ARFGEF2: variants seen among roughly 807,000 people sequenced by gnomAD.
The protein encoded by ARFGEF2 is ARF guanine nucleotide exchange factor 2.
ARFGEF2 carries 74 observed loss-of-function variants against 219.9 expected under a neutral mutation model. The ratio of observed to expected loss-of-function variants is 0.34; its 90% CI spans 0.28 to 0.41. The LOEUF (loss-of-function observed/expected upper bound fraction) is 0.41. Ranked by LOEUF, ARFGEF2 falls within the 10% of genes least tolerant of loss-of-function variation. The pLI, the probability that ARFGEF2 is intolerant of heterozygous loss-of-function variation, is 1.00. For synonymous variants in ARFGEF2, 733 were observed against 799.2 expected (o/e 0.92, Z 1.40); for missense variants, 1,743 against 2,218.3 (o/e 0.79, Z 4.30).
At chr20:48,949,003 C>G (rs2091048592) in intron 3 of ARFGEF2, among the ~76,000 whole-genome samples, 1 of 152,124 alleles carries the variant, frequency 6.6e-6, no homozygotes, top group Non-Finnish European at 1.5e-5. Context: ...GTTTGTCTTA[C>G]TATTGTATCC....
intron 3 of ARFGEF2, 42 bp from the exon 4 acceptor site, chr20:48,951,281 A>G: frequency 6.2e-7 from 1 of 1,611,418 alleles, no homozygotes; most frequent in Non-Finnish European, 8.5e-7. Flanking sequence ...CCTCAGTCCT[A>G]GCCAAGCAGA....
At chr20:49,022,872 T>G (rs891325098) in intron 34 of ARFGEF2, among the ~76,000 whole-genome samples, 179 bp from the exon 35 acceptor site, 2 of 152,052 alleles carry the variant, frequency 1.3e-5, no homozygotes, top group Non-Finnish European at 2.9e-5. Flanking sequence ...CCCAGCACTT[T>G]GGGAGGCTGA....
intron 33 of ARFGEF2, 69 bp from the exon 34 acceptor site, chr20:49,018,815 C>T: frequency 7.7e-7 from 1 of 1,297,152 alleles, no homozygotes; most frequent in Non-Finnish European, 1.1e-6. Flanking sequence ...CGTGTTAAAA[C>T]AGGCACATCT....
At chr20:49,004,468 G>A (rs927687668) in intron 25 of ARFGEF2, among the ~76,000 whole-genome samples, 1 of 151,726 alleles carries the variant, frequency 6.6e-6, no homozygotes, top group African/African-American at 2.4e-5. Flanking sequence ...GAAAAATTGG[G>A]TATAGTTGCA....
chr20:48,982,484 T>G (rs775718811), intron 14 of ARFGEF2, among the ~76,000 whole-genome samples: 4 of 152,198 alleles, frequency 2.6e-5, no homozygotes, highest in Non-Finnish European at 5.9e-5. Flanking sequence ...GGAGGCAGGC[T>G]GTTCTCAGAG....
intron 1 of ARFGEF2, among the ~76,000 whole-genome samples, chr20:48,935,519 C>T (rs1217986461): frequency 6.6e-6 from 1 of 152,144 alleles, no homozygotes; most frequent in African/African-American, 2.4e-5. Context: ...GGCAACCATC[C>T]GATTTCTCAA....
chr20:48,945,713 A>T, intron 3 of ARFGEF2, among the ~76,000 whole-genome samples: 1 of 152,222 alleles, frequency 6.6e-6, no homozygotes, highest in East Asian at 1.9e-4. Context: ...AAAAATAAAA[A>T]GTTAGCTGGG....
chr20:48,988,008 G>C (rs933332612), intron 16 of ARFGEF2, among the ~76,000 whole-genome samples: 1 of 152,046 alleles, frequency 6.6e-6, no homozygotes, highest in African/African-American at 2.4e-5. Context: ...GGCTGGTCTC[G>C]AACTCCTGAC....
intron 9 of ARFGEF2, 94 bp downstream of exon 9, chr20:48,969,371 G>A: frequency 6.2e-7 from 1 of 1,608,038 alleles, no homozygotes; most frequent in East Asian, 2.2e-5. Context: ...AGAAGTTTCA[G>A]TGTCATGTCT....
At chr20:48,969,979 C>T (rs2091214746) in intron 9 of ARFGEF2, among the ~76,000 whole-genome samples, 1 of 152,136 alleles carries the variant, frequency 6.6e-6, no homozygotes, top group Non-Finnish European at 1.5e-5. Context: ...AATAATAATC[C>T]TCAATTCATC....
intron 37 of ARFGEF2, among the ~76,000 whole-genome samples, chr20:49,031,042 A>T (rs189242239): frequency 6.6e-6 from 1 of 152,072 alleles, no homozygotes; most frequent in African/African-American, 2.4e-5. Flanking sequence ...CATGTTTTTT[A>T]AAAAAGCAAT....
At chr20:48,959,561 C>T (rs1440206723) in intron 6 of ARFGEF2, among the ~76,000 whole-genome samples, 2 of 74,814 alleles carry the variant, frequency 2.7e-5, no homozygotes, top group African/African-American at 5.5e-5. Context: ...TTCCTTCCCT[C>T]CCTCCCTCCC....
At chr20:48,925,650 A>G (rs1207756104) in intron 1 of ARFGEF2, among the ~76,000 whole-genome samples, 1 of 152,162 alleles carries the variant, frequency 6.6e-6, no homozygotes, top group Admixed American at 6.5e-5. Flanking sequence ...AGCCTGTGCA[A>G]CATGGCAAAA....
intron 25 of ARFGEF2, among the ~76,000 whole-genome samples, chr20:49,004,279 G>A (rs1331364957): frequency 2.0e-5 from 3 of 151,870 alleles, no homozygotes; most frequent in African/African-American, 7.3e-5. Context: ...CAGGAGAATC[G>A]CTTAAACCCA....
intron 1 of ARFGEF2, among the ~76,000 whole-genome samples, chr20:48,924,381 G>A (rs2090862916): frequency 6.6e-6 from 1 of 152,002 alleles, no homozygotes; most frequent in African/African-American, 2.4e-5. Context: ...GCGCTGTGGC[G>A]GGCACCTGTA....
rs116996290 is a variant in ARFGEF2, at chr20:48,929,249, C to G, written c.121+7239C>G. Reference sequence around the variant, plus strand: ...AGTGCCTTGGGTGTAAACAAGCCTTCTGGCTTGATATTTTATTAGGTTTTA... The same window carrying G: ...AGTGCCTTGGGTGTAAACAAGCCTTGTGGCTTGATATTTTATTAGGTTTTA... On this transcript the variant is annotated intron_variant, in intron 1 of 38. Transcript: ENST00000371917. Among the ~76,000 whole-genome samples, 474 of 152,350 alleles carry G rather than the reference C, an allele frequency of 3.1e-3. 13 individuals are homozygous for G. The East Asian group carries it at 0.034, about 11-fold the overall frequency.
intron 26 of ARFGEF2, among the ~76,000 whole-genome samples, chr20:49,009,943 G>C (rs1036502034): frequency 5.3e-5 from 8 of 152,304 alleles, no homozygotes; most frequent in South Asian, 4.1e-4. Flanking sequence ...CCATGGCCTG[G>C]ATAGGGACCA....
rs756248801 is a variant in ARFGEF2 at position 48,969,221 on chromosome 20, C to G, written c.1134C>G (p.Phe378Leu). 5 of 1,614,092 alleles carry G rather than the reference C, an allele frequency of 3.1e-6. No homozygotes were observed. Among genetic ancestry groups the G allele is most frequent in the East Asian group, 4.5e-5 (2 of 44,898 alleles). ...HVLQKDAFLV[F>L]RSLCKLSMKP... ...TGCAGAAGGATGCCTTCCTTGTGTT[C>G]CGCTCCCTGTGCAAGCTGTCCATGA... Residue 378 changes from phenylalanine to leucine, a missense_variant, in exon 9 of 39, where the codon TTC becomes TTG. Coordinates refer to ENST00000371917, the MANE Select transcript of ARFGEF2 (RefSeq NM_006420.3).
intron 1 of ARFGEF2, among the ~76,000 whole-genome samples, chr20:48,938,480 G>A (rs2090973881): frequency 6.6e-6 from 1 of 152,084 alleles, no homozygotes; most frequent in Non-Finnish European, 1.5e-5. Context: ...TTTTTGAGGT[G>A]CATTGATAAT....
Sources: allele counts gnomAD v4.1 joint callset (sites outside exome capture counted in the v4.1 genomes callset), GRCh38; gene constraint gnomAD v4.1.1; transcripts MANE v1.5; gene names NCBI Gene and HGNC (gene_info 2026-07-23, HGNC 2026-07-21).